Variants in ZNF20 observed in about 807,000 individuals in gnomAD.
The protein encoded by ZNF20 is zinc finger protein 20.
In ZNF20, 9 loss-of-function variants were observed where a neutral mutation model predicts 11.0. The observed-to-expected ratio is 0.82, with a 90% confidence interval of 0.49 to 1.43. The LOEUF is 1.43. Among genes scored for constraint, ZNF20 ranks in the 40% most tolerant of loss-of-function variants. The pLI is 0.00. For synonymous variants in ZNF20, 182 were observed against 213.0 expected (o/e 0.85, Z 1.27); for missense variants, 528 against 640.8 (o/e 0.82, Z 1.90).
In ZNF20 at chr19:12,135,765, T is replaced by G. The variant is rs554485146; in HGVS notation, c.139+4A>C. On this transcript the variant is annotated splice_donor_region_variant and intron_variant, in intron 2 of 3. Transcript: ENST00000334213. ...TCACTGGGAAGTAATATTGTCATTC[T>G]TACCTACAGAGGTCAGGTTCTTGAA... The G allele has an allele frequency of 6.2e-7, 1 of 1,613,280 alleles. No homozygotes were observed. Among genetic ancestry groups the G allele is most frequent in the Non-Finnish European group, 8.5e-7 (1 of 1,179,746 alleles).
chr19:12,135,137 TCTCA>T (rs1164110417), intron 3 of ZNF20, among the ~76,000 whole-genome samples: 1 of 145,814 alleles, frequency 6.9e-6, no homozygotes, highest in Non-Finnish European at 1.5e-5. Flanking sequence ...TTTAACATTT[TCTCA>T]CTTTTTTTTT....
At position 12,132,216 on chromosome 19, in the gene ZNF20, A is replaced by AT. The variant is rs1976633554; in HGVS notation, c.*370dup. On this transcript the variant is annotated 3_prime_UTR_variant, in exon 4 of 4. Transcript: ENST00000334213. ...ATCTTTAATGTGGAGCACTGGGGAC[A>AT]TATCTGGAGACCTACAACTCTGAGG... 5.1e-6 allele frequency: 1 copy of AT among 195,600 alleles called. No homozygotes were observed. Among genetic ancestry groups the AT allele is most frequent in the Admixed American group, 5.3e-5 (1 of 18,876 alleles). 12.1% of individuals were successfully genotyped at this position (195,600 alleles called of 1,614,324 possible).
rs1422431259 is a variant in ZNF20, at chr19:12,131,381, T to G, written c.*1206A>C. ...TCTTCTCACGAAATGTGACTATCTTTTAATATCTCACACATCTCACAGTCA... is the reference window on the plus strand; with the variant it reads ...TCTTCTCACGAAATGTGACTATCTTGTAATATCTCACACATCTCACAGTCA... On this transcript the variant is annotated 3_prime_UTR_variant, in exon 4 of 4. Coordinates refer to ENST00000334213, the MANE Select transcript of ZNF20 (RefSeq NM_021143.4). 1 of 152,220 alleles carries G rather than the reference T, an allele frequency of 6.6e-6. No homozygotes were observed. The highest frequency in any genetic ancestry group is 6.5e-5 in the Admixed American group (1 of 15,272). The allele number at this position is 152,220 out of a possible 1,614,324, so 9.4% of individuals were successfully genotyped here. A position where few individuals can be genotyped will look rare whatever the true frequency, so the allele number is the denominator to read the frequency against.
intron 3 of ZNF20, among the ~76,000 whole-genome samples, chr19:12,134,873 C>T (rs111822517): frequency 4.3e-4 from 65 of 151,796 alleles, no homozygotes; most frequent in African/African-American, 1.4e-3. Context: ...TAAACATGTG[C>T]GTCTTTTTTT....
In ZNF20 at chr19:12,133,942, A is replaced by G; in HGVS notation, c.244T>C (p.Cys82Arg). The change falls in exon 4 of 4, where the codon TGT becomes CGT. Residue 82 changes from cysteine (C) to arginine (R), a missense_variant. By Grantham distance (180) the Cys-to-Arg change is radical. Coordinates refer to ENST00000334213, the MANE Select transcript of ZNF20 (RefSeq NM_021143.4). The stretch of plus-strand genomic sequence containing the variant: ...GCAATCTGGTTGAAGCTTTCTCCAC[A>G]GTGATGACTTTCTTTACTTTCACAG... Reference protein sequence around the residue: ...KLCESKESHHCGESFNQIADD... With the variant: ...KLCESKESHHRGESFNQIADD... The G allele has an allele frequency of 6.2e-7, 1 of 1,611,996 alleles. No homozygotes were observed.
At position 12,139,934 on chromosome 19, in the gene ZNF20, G is replaced by A. The variant is rs1414989435; in HGVS notation, c.3+246C>T. ...GGGGCTGCAGGCGCGGAGCTGCCCA[G>A]AGAGGGCTCCAGGGTCGGGGCCCAC... On this transcript the variant is annotated intron_variant, in intron 1 of 3. Coordinates refer to ENST00000334213, the MANE Select transcript of ZNF20 (RefSeq NM_021143.4). The surrounding 1 kb of genome is among the most constrained non-coding windows in gnomAD (Gnocchi z 4.0). Among the ~76,000 whole-genome samples, 1 of 152,204 alleles carries A rather than the reference G, an allele frequency of 6.6e-6. No homozygotes were observed. Among genetic ancestry groups the A allele is most frequent in the Non-Finnish European group, 1.5e-5 (1 of 68,036 alleles).
At chr19:12,134,472 G>T (rs987057369) in intron 3 of ZNF20, among the ~76,000 whole-genome samples, 2 of 152,150 alleles carry the variant, frequency 1.3e-5, no homozygotes, top group African/African-American at 4.8e-5. Flanking sequence ...GCGAAACCCT[G>T]TCTCTACTAA....
chr19:12,135,978 T>A, intron 1 of ZNF20, 74 bp from the exon 2 acceptor site: 1 of 1,557,558 alleles, frequency 6.4e-7, no homozygotes, highest in African/African-American at 1.4e-5. Context: ...GAAGTTCTCA[T>A]GATACTGTGG....
rs557157263 is a variant in ZNF20, at chr19:12,132,606, G to A, written c.1580C>T (p.Thr527Ile). The change falls in exon 4 of 4, where the codon ACT becomes ATT. Residue 527 changes from threonine (T) to isoleucine (I), a missense_variant. Physicochemically the swap from Thr to Ile is moderately conservative, Grantham distance 89 (BLOSUM62 -1). Transcript: ENST00000334213. The part of the protein sequence containing the change: ...RASSCREHER[T>I]HTINR ...GATTTCTCATCTATTAATGGTATGA[G>A]TTCTTTCATGTTCTCGACATGAACT... The A allele has an allele frequency of 3.1e-6, 5 of 1,597,468 alleles. No homozygotes were observed. In the Admixed American group the frequency reaches 5.3e-5, roughly 17 times the overall value.
intron 1 of ZNF20, chr19:12,137,064 G>A: frequency 4.1e-6 from 1 of 242,092 alleles, no homozygotes; most frequent in South Asian, 3.9e-5. Context: ...CAGCACTTTG[G>A]GAGGCCAAGG....
At chr19:12,134,007 A>G in intron 3 of ZNF20, 22 bp from the exon 4 acceptor site, 1 of 1,579,028 alleles carries the variant, frequency 6.3e-7, no homozygotes, top group Non-Finnish European at 8.6e-7. Flanking sequence ...AATGAGAAGC[A>G]CATTATTAAC....
rs754444888 is a variant in ZNF20 at position 12,135,722 on chromosome 19, A to C, written c.139+47T>G. ...TCAATGAACAGCATTGATGAGCTAG[A>C]AGCATTTGTTCTCTAATTCACTGGG... On this transcript the variant is annotated intron_variant, in intron 2 of 3. Transcript: ENST00000334213. The C allele has an allele frequency of 6.2e-6, 10 of 1,608,138 alleles. No individual in the cohort carries two copies. In the South Asian group the frequency reaches 1.0e-4, roughly 16 times the overall value.
In ZNF20 at chr19:12,133,473, C is replaced by T. The variant is rs182404538; in HGVS notation, c.713G>A (p.Arg238His). Residue 238 changes from arginine (R) to histidine (H), a missense_variant, in exon 4 of 4, where the codon CGT (arginine) becomes CAT (histidine). By Grantham distance (29) the Arg-to-His change is conservative. Coordinates refer to ENST00000334213, the MANE Select transcript of ZNF20 (RefSeq NM_021143.4). Reference protein sequence around the residue: ...KCKQCGKAFTRSTTLPVHERT... With the variant: ...KCKQCGKAFTHSTTLPVHERT... ...TTCATGTACTGGAAGGGTAGTGGAA[C>T]GAGTAAAGGCCTTACCACATTGTTT... 119 of 1,614,128 alleles carry T rather than the reference C, an allele frequency of 7.4e-5. No homozygotes were observed. The highest frequency in any genetic ancestry group is 3.3e-4 in the Middle Eastern group (2 of 6,062).
chr19:12,140,053 G>A, intron 1 of ZNF20, 127 bp downstream of exon 1: 1 of 1,294,728 alleles, frequency 7.7e-7, no homozygotes, highest in South Asian at 1.3e-5. Context: ...GGGACGAGCT[G>A]AGACAGAGGG....
rs1372682277 is a variant in ZNF20, at chr19:12,135,913, T to A, written c.4-9A>T. On this transcript the variant is annotated splice_polypyrimidine_tract_variant and intron_variant, in intron 1 of 3. Transcript: ENST00000334213. ...ACTGAATCCTGAAACATCTCACATA[T>A]ATAAAAGAGGACAGGTAAGACTAAC... The A allele has an allele frequency of 4.3e-6, 7 of 1,613,488 alleles. No individual in the cohort carries two copies. The highest frequency in any genetic ancestry group is 5.9e-6 in the Non-Finnish European group (7 of 1,179,834).
intron 1 of ZNF20, 91 bp downstream of exon 1, chr19:12,140,089 C>T (rs1040051361): frequency 1.1e-4 from 170 of 1,487,242 alleles, no homozygotes; most frequent in Non-Finnish European, 1.5e-4. Flanking sequence ...CCAGGAGGCG[C>T]GGCGAGGAGG....
Position 12,133,420 on chromosome 19 carries a change from C to T in ZNF20, c.766G>A (p.Glu256Lys). The stretch of plus-strand genomic sequence containing the variant: ...AATGCATTCCCACATTCTTTACATT[C>T]ATCGGCATTCACTCCTGTGTGAGTT... ...ERTHTGVNAD[E>K]CKECGNAFSF... The change falls in exon 4 of 4, where the codon GAA (glutamate) becomes AAA (lysine). Residue 256 changes from glutamate to lysine, a missense_variant. Glu to Lys is a moderately conservative substitution (Grantham distance 56, BLOSUM62 1). Coordinates refer to ENST00000334213, the MANE Select transcript of ZNF20 (RefSeq NM_021143.4). 2 of 1,614,050 alleles carry T rather than the reference C, an allele frequency of 1.2e-6. No homozygotes were observed. Among genetic ancestry groups the T allele is most frequent in the South Asian group, 1.1e-5 (1 of 91,090 alleles).
Position 12,139,339 on chromosome 19 carries a change from T to C in ZNF20, c.3+841A>G, listed in dbSNP as rs1293172856. ...CCTGTGCTCAGCCCCGCTTGCACAC[T>C]GTGGAGTGTTAAATCCCTTCATTCC... On this transcript the variant is annotated intron_variant, in intron 1 of 3. Coordinates refer to ENST00000334213, the MANE Select transcript of ZNF20 (RefSeq NM_021143.4). This position sits in a 1 kb window ranked among gnomAD's most constrained non-coding sequence, Gnocchi z 4.0. 1.3e-5 allele frequency among the ~76,000 whole-genome samples: 2 copies of C among 152,218 alleles called. No individual in the cohort carries two copies. The highest frequency in any genetic ancestry group is 2.9e-5 in the Non-Finnish European group (2 of 68,022).
intron 1 of ZNF20, 136 bp downstream of exon 1, chr19:12,140,044 G>C: frequency 8.3e-7 from 1 of 1,197,970 alleles, no homozygotes; most frequent in Non-Finnish European, 1.2e-6. Context: ...GGGGACGCAG[G>C]GACGAGCTGA....
Sources: allele counts gnomAD v4.1 joint callset (sites outside exome capture counted in the v4.1 genomes callset), GRCh38; gene constraint gnomAD v4.1.1; non-coding constraint Gnocchi (gnomAD v3.1); transcripts MANE v1.5; gene names NCBI Gene and HGNC (gene_info 2026-07-23, HGNC 2026-07-21).